Variants in REV3L observed in about 807,000 individuals in gnomAD.
REV3L encodes the protein DNA polymerase zeta catalytic subunit.
A neutral mutation model predicts 299.4 loss-of-function variants in REV3L; 69 were observed. The observed-to-expected ratio is 0.23, with a 90% CI of 0.19 to 0.28. The LOEUF (loss-of-function observed/expected upper bound fraction) is 0.28. Among genes scored for constraint, REV3L ranks in the 10% least tolerant of loss-of-function variants. REV3L has a pLI of 1.00. For synonymous variants in REV3L, 1,238 were observed against 1,271.4 expected, an observed-to-expected ratio of 0.97 and a Z score of 0.56; for missense variants, 3,128 against 3,693.8, an observed-to-expected ratio of 0.85 and a Z score of 3.97.
At chr6:111,446,157 G>A (rs1236392430) in intron 1 of REV3L, among the ~76,000 whole-genome samples, 2 of 152,162 alleles carry the variant, frequency 1.3e-5, no homozygotes, top group African/African-American at 2.4e-5. Context: ...GTGCTGTCTT[G>A]TGGTCATCAA....
At chr6:111,317,372 G>T (rs1383563953) in intron 26 of REV3L, among the ~76,000 whole-genome samples, 1 of 152,162 alleles carries the variant, frequency 6.6e-6, no homozygotes, top group East Asian at 1.9e-4. Context: ...CACTAAGGTA[G>T]AATAAAAATG....
At chr6:111,338,418 G>A (rs1467694859) in intron 21 of REV3L, among the ~76,000 whole-genome samples, 1 of 132,992 alleles carries the variant, frequency 7.5e-6, no homozygotes, top group Non-Finnish European at 1.5e-5. Flanking sequence ...ATAATCAGCA[G>A]ATTAAGAATT....
rs1771323196 is a variant in REV3L, at chr6:111,300,176, A to T, written c.9253-20T>A. The T allele has an allele frequency of 6.5e-7, 1 of 1,547,906 alleles. No individual in the cohort carries two copies. Among genetic ancestry groups the T allele is most frequent in the Non-Finnish European group, 8.7e-7 (1 of 1,151,638 alleles). On this transcript the variant is annotated intron_variant, in intron 31 of 31. Coordinates refer to ENST00000368802, the MANE Select transcript of REV3L (RefSeq NM_001372078.1). ...GCATATCTGAAAGCATAAGAGAAAT[A>T]CAAAAAATAATAGGAAAGTTTTTAT...
At chr6:111,363,819 C>T (rs747523213) in intron 16 of REV3L, 34 bp downstream of exon 16, 4 of 1,596,848 alleles carry the variant, frequency 2.5e-6, no homozygotes, top group East Asian at 4.5e-5. Flanking sequence ...TTAAACTGAA[C>T]ACAATGTATG....
At chr6:111,482,359 G>A (rs769228305) in intron 1 of REV3L, among the ~76,000 whole-genome samples, 20 of 152,206 alleles carry the variant, frequency 1.3e-4, no homozygotes, top group Non-Finnish European at 2.1e-4. Context: ...ACTAGCGACC[G>A]ACCTCAGAGC....
At chr6:111,342,265 CA>C (rs1482855718) in intron 21 of REV3L, among the ~76,000 whole-genome samples, 2 of 152,014 alleles carry the variant, frequency 1.3e-5, no homozygotes, top group Non-Finnish European at 2.9e-5. Context: ...CTATCTGCCC[CA>C]GGGGGAGGGT....
chr6:111,416,171 A>G (rs917919569), intron 2 of REV3L, 112 bp downstream of exon 2: 15 of 672,376 alleles, frequency 2.2e-5, no homozygotes, highest in East Asian at 9.0e-5. Context: ...AATTCACTAC[A>G]GTTCCATTAG....
intron 31 of REV3L, 32 bp downstream of exon 31, chr6:111,307,329 T>C (rs1582434888): frequency 1.9e-6 from 3 of 1,571,576 alleles, no homozygotes; most frequent in African/African-American, 1.3e-5. Flanking sequence ...TCAGACTGCT[T>C]GTGATTCTGG....
chr6:111,408,644 AAACAAAAAC>A (rs1783907752), intron 3 of REV3L, among the ~76,000 whole-genome samples: 3 of 150,764 alleles, frequency 2.0e-5, no homozygotes, highest in Non-Finnish European at 4.4e-5. Context: ...AAACAAAACA[AAACAAAAAC>A]AACATTATTG....
intron 18 of REV3L, chr6:111,354,144 G>A (rs754524054): frequency 6.6e-6 from 1 of 152,254 alleles, no homozygotes. Context: ...ATATCACATA[G>A]TTACACAGCT....
intron 1 of REV3L, among the ~76,000 whole-genome samples, chr6:111,423,894 G>C (rs1344638548): frequency 6.6e-6 from 1 of 152,172 alleles, no homozygotes; most frequent in Admixed American, 6.5e-5. Flanking sequence ...GGGGCGGGTT[G>C]ACTTCTGTTT....
Position 111,299,075 on chromosome 6 carries a change from T to C in REV3L, c.*941A>G, listed in dbSNP as rs900906434. 6.6e-6 allele frequency: 1 copy of C among 152,536 alleles called. No homozygotes were observed. The highest frequency in any genetic ancestry group is 1.5e-5 in the Non-Finnish European group (1 of 67,994). The allele number at this position is 152,536 out of a possible 1,614,324, so 9.4% of individuals were successfully genotyped here. A position where few individuals can be genotyped will look rare whatever the true frequency, so the allele number is the denominator to read the frequency against. ...TTCAATTTTAATATGGTTTCCATTATTAACTTTTAAAACAAAATGATTTCC... is the reference window on the plus strand; with the variant it reads ...TTCAATTTTAATATGGTTTCCATTACTAACTTTTAAAACAAAATGATTTCC... On this transcript the variant is annotated 3_prime_UTR_variant, in exon 32 of 32. Transcript: ENST00000368802.
At chr6:111,412,765 T>C (rs1164474024) in intron 2 of REV3L, among the ~76,000 whole-genome samples, 2 of 95,086 alleles carry the variant, frequency 2.1e-5, no homozygotes, top group Non-Finnish European at 5.1e-5. Flanking sequence ...GTAATTTCTG[T>C]TAAAAAAAAA....
intron 1 of REV3L, among the ~76,000 whole-genome samples, chr6:111,466,563 G>A (rs1483250551): frequency 6.6e-6 from 1 of 152,192 alleles, no homozygotes; most frequent in African/African-American, 2.4e-5. Context: ...TGGGCCAGGC[G>A]AGGTGGCTCA....
intron 1 of REV3L, among the ~76,000 whole-genome samples, chr6:111,452,087 C>T (rs1376391076): frequency 6.7e-6 from 1 of 150,318 alleles, no homozygotes. Flanking sequence ...ATGTGAATGG[C>T]AAATATGCAC....
Position 111,376,200 on chromosome 6 carries a change from C to T in REV3L, c.2155G>A (p.Val719Ile). 1 of 1,612,980 alleles carries T rather than the reference C, an allele frequency of 6.2e-7. No homozygotes were observed. Among genetic ancestry groups the T allele is most frequent in the African/African-American group, 1.3e-5 (1 of 74,970 alleles). ...CCTTTTTCATTTCCTTCAGAGGATA[C>T]TTTATTTTTTGAATGATTTAAGTCA... ...FSDLNHSKNK[V>I]SSEGNEKGNS... The change falls in exon 13 of 32, where the codon GTA (valine) becomes ATA (isoleucine). Residue 719 changes from valine to isoleucine, a missense_variant. Around this residue, in one of 9 missense-constraint regions of REV3L, gnomAD observed 2,409 missense variants for 2,611.8 expected, o/e 0.92. Coordinates refer to ENST00000368802, the MANE Select transcript of REV3L (RefSeq NM_001372078.1).
chr6:111,337,408 C>T (rs1343741236), intron 21 of REV3L, among the ~76,000 whole-genome samples: 4 of 152,038 alleles, frequency 2.6e-5, no homozygotes, highest in Non-Finnish European at 5.9e-5. Flanking sequence ...TTGTAGCTAT[C>T]GAGCGTGCTA....
chr6:111,476,786 T>C (rs1792994186), intron 1 of REV3L, among the ~76,000 whole-genome samples: 1 of 152,228 alleles, frequency 6.6e-6, no homozygotes, highest in South Asian at 2.1e-4. Context: ...CTAAATGGAA[T>C]TTATATAATT....
intron 1 of REV3L, among the ~76,000 whole-genome samples, chr6:111,465,754 A>ACAC (rs1381882864): frequency 1.3e-5 from 2 of 150,808 alleles, no homozygotes; most frequent in Non-Finnish European, 3.0e-5. Context: ...CCAAAAAAAA[A>ACAC]AAAAAAAAAA....
Sources: gnomAD v4.1 joint callset for allele counts (sites outside exome capture counted in the v4.1 genomes callset) on GRCh38, gnomAD v4.1.1 for gene constraint, gnomAD v4.1.1 regional missense constraint, MANE v1.5 for transcripts, NCBI Gene and HGNC (gene_info 2026-07-23, HGNC 2026-07-21) for gene names.